The following ADGRE1 variants were observed in gnomAD, a reference collection of about 807,000 sequenced individuals.
ADGRE1 encodes the protein EGF-like module receptor 1.
A neutral mutation model predicts 102.7 loss-of-function variants in ADGRE1; 82 were observed. The ratio of observed to expected loss-of-function variants is 0.80; its 90% CI spans 0.67 to 0.96. ADGRE1 has a LOEUF of 0.96. Among genes scored for constraint, ADGRE1 ranks in the 40% least tolerant of loss-of-function variants. ADGRE1 has a pLI of 0.00. For synonymous variants in ADGRE1, 398 were observed against 399.6 expected (o/e 1.00, Z 0.05); for missense variants, 1,032 against 1,085.3 (o/e 0.95, Z 0.69).
At position 6,926,613 on chromosome 19, in the gene ADGRE1, C is replaced by T. The variant is rs578072789; in HGVS notation, c.2222+12C>T. Reference sequence around the variant, plus strand: ...GGAATGCATAATCGGTGAGTGACATCCTCTCTCTTCCTGAAGACCCTGCTG... The same window carrying T: ...GGAATGCATAATCGGTGAGTGACATTCTCTCTCTTCCTGAAGACCCTGCTG... On this transcript the variant is annotated intron_variant, in intron 16 of 20. Coordinates refer to ENST00000312053, the MANE Select transcript of ADGRE1 (RefSeq NM_001974.5). 2 of 1,613,290 alleles carry T rather than the reference C, an allele frequency of 1.2e-6. No individual in the cohort carries two copies. Among genetic ancestry groups the T allele is most frequent in the East Asian group, 2.2e-5 (1 of 44,868 alleles).
At chr19:6,894,067 A>C (rs1180958157) in intron 2 of ADGRE1, among the ~76,000 whole-genome samples, 1 of 152,182 alleles carries the variant, frequency 6.6e-6, no homozygotes, top group Non-Finnish European at 1.5e-5. Flanking sequence ...TTGTGGTTAC[A>C]TTCATTGCCC....
chr19:6,900,744 G>A (rs1463278726), intron 5 of ADGRE1, among the ~76,000 whole-genome samples: 1 of 152,138 alleles, frequency 6.6e-6, no homozygotes, highest in African/African-American at 2.4e-5. Flanking sequence ...GAGTGGTCAA[G>A]CCCTCATTAT....
chr19:6,894,803 A>T (rs1191169446), intron 2 of ADGRE1, among the ~76,000 whole-genome samples: 1 of 152,186 alleles, frequency 6.6e-6, no homozygotes, highest in Non-Finnish European at 1.5e-5. Context: ...TGGATCAGGC[A>T]TAGCCAAGGT....
intron 14 of ADGRE1, among the ~76,000 whole-genome samples, chr19:6,923,402 A>G (rs1322499790): frequency 1.3e-5 from 2 of 152,214 alleles, no homozygotes; most frequent in Admixed American, 6.5e-5. Flanking sequence ...ATTTAATCCT[A>G]AAACAACTCT....
At chr19:6,907,374 T>C (rs1407171855) in intron 9 of ADGRE1, among the ~76,000 whole-genome samples, 1 of 151,396 alleles carries the variant, frequency 6.6e-6, no homozygotes, top group African/African-American at 2.4e-5. Context: ...AGTCTTGCTC[T>C]GTTGCCCAGG....
chr19:6,919,443 TGTG>T, intron 12 of ADGRE1, 102 bp from the exon 13 acceptor site: 2 of 133,020 alleles, frequency 1.5e-5, no homozygotes, highest in African/African-American at 6.9e-4. Flanking sequence ...TCCCTCCCTC[TGTG>T]TGTGTGTGTG....
rs1973609859 is a variant in ADGRE1 at position 6,897,557 on chromosome 19, A to G, written c.514+10A>G. ...AACTCCACCTGTGAAGGTATCCATG[A>G]CCATCTCTTTATTATTTACCTACTT... On this transcript the variant is annotated intron_variant, in intron 5 of 20. Coordinates refer to ENST00000312053, the MANE Select transcript of ADGRE1 (RefSeq NM_001974.5). 1.3e-6 allele frequency: 2 copies of G among 1,533,212 alleles called. No individual in the cohort carries two copies. The highest frequency in any genetic ancestry group is 1.7e-6 in the Non-Finnish European group (2 of 1,145,484). 95.0% of individuals were successfully genotyped at this position (1,533,212 alleles called of 1,614,324 possible). A position where few individuals can be genotyped will look rare whatever the true frequency, so the allele number is the denominator to read the frequency against.
At chr19:6,889,740 C>T (rs1043964987) in intron 1 of ADGRE1, among the ~76,000 whole-genome samples, 1 of 149,740 alleles carries the variant, frequency 6.7e-6, no homozygotes, top group East Asian at 1.9e-4. Context: ...CCTACCCTCT[C>T]ATGAAATGTT....
At chr19:6,916,486 T>C in intron 12 of ADGRE1, 118 bp downstream of exon 12, 1 of 1,315,706 alleles carries the variant, frequency 7.6e-7, no homozygotes, top group Non-Finnish European at 1.0e-6. Context: ...AGGGTAGAAA[T>C]GGTCCATGCT....
At chr19:6,924,607 A>G in intron 14 of ADGRE1, 71 bp from the exon 15 acceptor site, 2 of 1,450,016 alleles carry the variant, frequency 1.4e-6, no homozygotes, top group South Asian at 2.5e-5. Context: ...AGGGTTTTAG[A>G]TAACTCTTCT....
At chr19:6,896,660 A>G (rs1440445442) in intron 3 of ADGRE1, 119 bp downstream of exon 3, 8 of 1,201,866 alleles carry the variant, frequency 6.7e-6, no homozygotes, top group East Asian at 2.6e-5. Context: ...TGGTTTAACT[A>G]TATATTTTAA....
At chr19:6,896,238 A>T in intron 2 of ADGRE1, 160 bp from the exon 3 acceptor site, 1 of 646,352 alleles carries the variant, frequency 1.5e-6, no homozygotes, top group East Asian at 2.7e-5. Flanking sequence ...TCCAAATAAG[A>T]TGAAATTCAC....
At chr19:6,922,035 C>A in intron 14 of ADGRE1, 152 bp downstream of exon 14, 2 of 884,928 alleles carry the variant, frequency 2.3e-6, no homozygotes, top group Non-Finnish European at 3.3e-6. Flanking sequence ...TATGCCTTTG[C>A]CCCTGCAGAA....
chr19:6,939,927 T>C lies in ADGRE1; in HGVS notation c.2656-97T>C, dbSNP rs368571791. 1.4e-5 allele frequency: 18 copies of C among 1,322,088 alleles called. No homozygotes were observed. In the East Asian group the frequency reaches 1.6e-4, roughly 12 times the overall value. 81.9% of individuals were successfully genotyped at this position (1,322,088 alleles called of 1,614,324 possible). A position where few individuals can be genotyped will look rare whatever the true frequency, so the allele number is the denominator to read the frequency against. The stretch of plus-strand genomic sequence containing the variant: ...TTTATCCTTCTAGTCTTTGTTACTG[T>C]ATTTTTAATACTTCTGTCCCTGTAG... On this transcript the variant is annotated intron_variant, in intron 20 of 20. Transcript: ENST00000312053.
At chr19:6,923,231 T>TCTACCA (rs1974746128) in intron 14 of ADGRE1, among the ~76,000 whole-genome samples, 1 of 152,214 alleles carries the variant, frequency 6.6e-6, no homozygotes, top group Admixed American at 6.5e-5. Context: ...AAGTCTTGTC[T>TCTACCA]CTACCACTTT....
Position 6,921,868 on chromosome 19 carries a change from G to T in ADGRE1, c.1776G>T (p.Ala592=). ...NQMANLAVIM[A]SGELTMDFSL... The stretch of plus-strand genomic sequence containing the variant: ...TGGCAAATCTTGCCGTTATCATGGC[G>T]TCTGGGGAGCTCACGGTCAGTACTG... Residue 592 remains alanine (A), a synonymous_variant, in exon 14 of 21, where the codon GCG becomes GCT. Coordinates refer to ENST00000312053, the MANE Select transcript of ADGRE1 (RefSeq NM_001974.5). The T allele has an allele frequency of 6.2e-7, 1 of 1,613,610 alleles. No individual in the cohort carries two copies. The highest frequency in any genetic ancestry group is 1.1e-5 in the South Asian group (1 of 91,034).
Position 6,933,268 on chromosome 19 carries a change from C to A in ADGRE1, c.2290-1719C>A, listed in dbSNP as rs141535936. On this transcript the variant is annotated intron_variant, in intron 17 of 20. Coordinates refer to ENST00000312053, the MANE Select transcript of ADGRE1 (RefSeq NM_001974.5). ...TTTATCTTACCCATTCCCAAATCTTCAAGGACATTGGGCTTTCTTGGAAGT... is the reference window on the plus strand; with the variant it reads ...TTTATCTTACCCATTCCCAAATCTTAAAGGACATTGGGCTTTCTTGGAAGT... 3.0e-3 allele frequency among the ~76,000 whole-genome samples: 454 copies of A among 152,258 alleles called. 5 individuals carry two copies. Among genetic ancestry groups the A allele is most frequent in the African/African-American group, 0.01 (424 of 41,542 alleles).
chr19:6,935,695 A>G (rs252556), intron 18 of ADGRE1, among the ~76,000 whole-genome samples: 110,222 of 152,024 alleles, frequency 0.73, 40,442 homozygotes, highest in Non-Finnish European at 0.79. Flanking sequence ...CTTCCACACC[A>G]TGGTTATTTA....
intron 15 of ADGRE1, among the ~76,000 whole-genome samples, chr19:6,925,664 T>G (rs911066540): frequency 6.6e-6 from 1 of 151,514 alleles, no homozygotes; most frequent in African/African-American, 2.4e-5. Context: ...TTAGAATCTC[T>G]ACTTCCCTTT....
Sources: allele counts gnomAD v4.1 joint callset (sites outside exome capture counted in the v4.1 genomes callset), GRCh38; gene constraint gnomAD v4.1.1; transcripts MANE v1.5; gene names NCBI Gene and HGNC (gene_info 2026-07-23, HGNC 2026-07-21).